The following TBC1D30 variants were observed in gnomAD, a reference collection of about 807,000 sequenced individuals.
TBC1D30 encodes the protein TBC1 domain family member 30.
In TBC1D30, 31 loss-of-function variants were observed where a neutral mutation model predicts 63.2. That is an observed-to-expected ratio of 0.49 (90% CI 0.37 to 0.66). The LOEUF is 0.66. Among genes scored for constraint, TBC1D30 ranks in the 30% least tolerant of loss-of-function variants. TBC1D30 has a pLI of 0.00. For synonymous variants in TBC1D30, 307 were observed against 361.5 expected (o/e 0.85, Z 1.71); for missense variants, 810 against 953.6 (o/e 0.85, Z 1.98).
At chr12:64,769,653 T>A (rs1287721859) in intron 1 of TBC1D30, among the ~76,000 whole-genome samples, 2 of 151,738 alleles carry the variant, frequency 1.3e-5, no homozygotes, top group Admixed American at 6.6e-5. Context: ...CCCAAAATGC[T>A]GGGATTACAG....
At chr12:64,781,337 C>A (rs1013931545) in intron 1 of TBC1D30, 7 of 1,051,972 alleles carry the variant, frequency 6.7e-6, no homozygotes, top group Non-Finnish European at 8.1e-6. Context: ...GCCGGGTTGT[C>A]CTCGCCGTCT....
Position 64,842,128 on chromosome 12 carries a change from C to G in TBC1D30, c.933-1252C>G, listed in dbSNP as rs113528261. On this transcript the variant is annotated intron_variant, in intron 7 of 11. Coordinates refer to ENST00000539867, the MANE Select transcript of TBC1D30 (RefSeq NM_015279.2). ...ATCCCAGCACTTTGAGAGGCCGAAG[C>G]AGGTGGATCACTTGAAGCCAGGAGT... Among the ~76,000 whole-genome samples the G allele has an allele frequency of 7.2e-5, 11 of 152,290 alleles. 1 individual carries two copies. Among genetic ancestry groups the G allele is most frequent in the African/African-American group, 2.6e-4 (11 of 41,568 alleles).
intron 1 of TBC1D30, among the ~76,000 whole-genome samples, chr12:64,766,128 A>G (rs1364827986): frequency 6.6e-6 from 1 of 152,214 alleles, no homozygotes; most frequent in Non-Finnish European, 1.5e-5. Flanking sequence ...ACTTGAAGGT[A>G]TAGCAAGAGA....
intron 1 of TBC1D30, among the ~76,000 whole-genome samples, chr12:64,775,119 A>T (rs1440831650): frequency 6.7e-6 from 1 of 148,958 alleles, no homozygotes; most frequent in Non-Finnish European, 1.5e-5. Flanking sequence ...ATATATATAG[A>T]TATAGATATA....
In TBC1D30 at chr12:64,878,496, A is replaced by G; in HGVS notation, c.*2708A>G. ...CAGTTCCTCTTACAAAAGCCTCCAG[A>G]TGATCTAAATCTAGTTAGCAATGTC... On this transcript the variant is annotated 3_prime_UTR_variant, in exon 12 of 12. Transcript: ENST00000539867. 2.2e-6 allele frequency: 1 copy of G among 456,734 alleles called. No homozygotes were observed. The allele number at this position is 456,734 out of a possible 1,614,324, so 28.3% of individuals were successfully genotyped here.
intron 4 of TBC1D30, 34 bp downstream of exon 4, chr12:64,830,536 A>G (rs1245956674): frequency 2.0e-6 from 3 of 1,496,866 alleles, no homozygotes; most frequent in Non-Finnish European, 2.7e-6. Flanking sequence ...TCATCCTAAT[A>G]TAGAAGAAAG....
intron 1 of TBC1D30, among the ~76,000 whole-genome samples, chr12:64,772,363 A>G (rs1202764908): frequency 2.0e-5 from 3 of 151,976 alleles, no homozygotes; most frequent in African/African-American, 7.2e-5. Context: ...AAAATGGCTT[A>G]GTCAATTGAT....
intron 2 of TBC1D30, among the ~76,000 whole-genome samples, chr12:64,797,869 T>C (rs910152469): frequency 5.3e-5 from 8 of 152,166 alleles, no homozygotes; most frequent in African/African-American, 1.4e-4. Context: ...CTTCTTCTTG[T>C]CTCTCTTCCT....
chr12:64,839,702 CAAAG>C (rs2136392989), intron 7 of TBC1D30, among the ~76,000 whole-genome samples: 1 of 152,180 alleles, frequency 6.6e-6, no homozygotes, highest in Admixed American at 6.5e-5. Flanking sequence ...AACAATTTTG[CAAAG>C]AAAGATCCAC....
upstream of TBC1D30, among the ~76,000 whole-genome samples, chr12:64,820,795 A>G (rs61922566): frequency 6.6e-6 from 1 of 152,234 alleles, no homozygotes; most frequent in Non-Finnish European, 1.5e-5. Context: ...ACATAATACT[A>G]GGCTTGGGCC....
chr12:64,792,258 G>A (rs571986690), intron 2 of TBC1D30, among the ~76,000 whole-genome samples: 1 of 152,158 alleles, frequency 6.6e-6, no homozygotes, highest in African/African-American at 2.4e-5. Context: ...AAAGCTCCCT[G>A]TGTGCTCCTT....
rs564349902 is a variant in TBC1D30 at position 64,843,835 on chromosome 12, T to C, written c.1038+350T>C. Among the ~76,000 whole-genome samples, 12 of 152,308 alleles carry C rather than the reference T, an allele frequency of 7.9e-5. No homozygotes were observed. The East Asian group carries it at 2.3e-3, about 29-fold the overall frequency. On this transcript the variant is annotated intron_variant, in intron 8 of 11. Coordinates refer to ENST00000539867, the MANE Select transcript of TBC1D30 (RefSeq NM_015279.2). The stretch of plus-strand genomic sequence containing the variant: ...TTGAGACTGTCTCATTCTGTCACCC[T>C]GGCTGGAGTGCAGTGGCACAATCGT...
intron 2 of TBC1D30, among the ~76,000 whole-genome samples, chr12:64,792,504 A>G (rs1454227401): frequency 6.6e-6 from 1 of 152,232 alleles, no homozygotes; most frequent in Non-Finnish European, 1.5e-5. Flanking sequence ...CTTCTGGGGA[A>G]GTCAAAGGGC....
chr12:64,794,647 C>T (rs1461878584), intron 2 of TBC1D30, among the ~76,000 whole-genome samples: 2 of 152,076 alleles, frequency 1.3e-5, no homozygotes, highest in Non-Finnish European at 1.5e-5. Context: ...ATTGCCCAGG[C>T]TGATCTCAAA....
rs1216978360 is a variant in TBC1D30, at chr12:64,870,733, A to G, written c.1423A>G (p.Asn475Asp). The G allele has an allele frequency of 1.3e-6, 2 of 1,536,108 alleles. No homozygotes were observed. Among genetic ancestry groups the G allele is most frequent in the Non-Finnish European group, 1.7e-6 (2 of 1,146,876 alleles). ...GATGGAACGCATGACCACAGATATCAATGCACTGAAGCGGCAGTACTCTCG... is the reference window on the plus strand; with the variant it reads ...GATGGAACGCATGACCACAGATATCGATGCACTGAAGCGGCAGTACTCTCG... ...MMMERMTTDI[N>D]ALKRQYSRIK... The change falls in exon 11 of 12, where the codon AAT (asparagine) becomes GAT (aspartate). Residue 475 changes from asparagine to aspartate, a missense_variant. Physicochemically the swap from Asn to Asp is conservative, Grantham distance 23. Around this residue, in one of 4 missense-constraint regions of TBC1D30, gnomAD observed 450 missense variants for 473.0 expected, o/e 0.95. Transcript: ENST00000539867.
At chr12:64,792,029 A>G (rs979711075) in intron 2 of TBC1D30, among the ~76,000 whole-genome samples, 18 of 152,194 alleles carry the variant, frequency 1.2e-4, no homozygotes, top group African/African-American at 4.3e-4. Flanking sequence ...ATTATTAAGA[A>G]TATTTTGGGT....
chr12:64,795,496 A>G (rs1450200518), intron 2 of TBC1D30, among the ~76,000 whole-genome samples: 2 of 152,118 alleles, frequency 1.3e-5, no homozygotes, highest in Non-Finnish European at 2.9e-5. Flanking sequence ...GGATCCAACT[A>G]CTTCTCAACA....
intron 1 of TBC1D30, among the ~76,000 whole-genome samples, chr12:64,771,017 A>G (rs1388667390): frequency 2.0e-5 from 3 of 152,006 alleles, no homozygotes; most frequent in African/African-American, 7.2e-5. Flanking sequence ...CGGCCAAAAC[A>G]CCAAATTTAA....
rs1474342889 is a variant in TBC1D30, at chr12:64,833,926, T to C, written c.594+1622T>C. On this transcript the variant is annotated intron_variant, in intron 5 of 11. Transcript: ENST00000539867. ...AAATGGGAATTGTTTTCTAGAGCAA[T>C]TGGAATAAGTGAATCAAGTTAGGGG... 2.6e-5 allele frequency among the ~76,000 whole-genome samples: 4 copies of C among 151,994 alleles called. No homozygotes were observed. The East Asian group carries it at 5.8e-4, about 22-fold the overall frequency.
Sources: gnomAD v4.1 joint callset for allele counts (sites outside exome capture counted in the v4.1 genomes callset) on GRCh38, gnomAD v4.1.1 for gene constraint, gnomAD v4.1.1 regional missense constraint, MANE v1.5 for transcripts, NCBI Gene and HGNC (gene_info 2026-07-23, HGNC 2026-07-21) for gene names.